PHIP: variants seen among roughly 807,000 people sequenced by gnomAD.
The protein encoded by PHIP is PHIP subunit of CUL4-Ring ligase complex.
In PHIP, 54 loss-of-function variants were observed where a neutral mutation model predicts 236.8. The ratio of observed to expected loss-of-function variants is 0.23; its 90% confidence interval spans 0.18 to 0.29. PHIP has a LOEUF of 0.29. PHIP is among the 10% of genes least tolerant of loss of function. The pLI is 1.00. For missense variants in PHIP, 1,370 were observed against 2,190.8 expected, an observed-to-expected ratio of 0.63 and a Z score of 7.48; for synonymous variants, 756 against 718.9, an observed-to-expected ratio of 1.05 and a Z score of -0.83.
At chr6:79,018,613 G>A (rs1003878380) in intron 10 of PHIP, among the ~76,000 whole-genome samples, 4 of 151,742 alleles carry the variant, frequency 2.6e-5, no homozygotes, top group Non-Finnish European at 5.9e-5. Context: ...AATCTGAATT[G>A]GAATCTTAGC....
intron 35 of PHIP, among the ~76,000 whole-genome samples, chr6:78,951,665 G>A (rs1015794912): frequency 6.6e-6 from 1 of 152,148 alleles, no homozygotes; most frequent in Non-Finnish European, 1.5e-5. Flanking sequence ...CGTTTAGCTG[G>A]TGGGACAGGT....
chr6:79,005,349 A>G (rs1224541503), intron 15 of PHIP, among the ~76,000 whole-genome samples: 3 of 152,010 alleles, frequency 2.0e-5, no homozygotes, highest in African/African-American at 7.2e-5. Context: ...GGGCACCAGG[A>G]GCCATACAGC....
chr6:79,036,490 G>C (rs548274883), intron 7 of PHIP, among the ~76,000 whole-genome samples: 45 of 151,868 alleles, frequency 3.0e-4, no homozygotes, highest in Non-Finnish European at 5.0e-4. Context: ...AAATAATTTT[G>C]AATTTCAAAC....
At chr6:78,971,627 T>A (rs1420801166) in intron 24 of PHIP, among the ~76,000 whole-genome samples, 32 of 152,028 alleles carry the variant, frequency 2.1e-4, no homozygotes, top group African/African-American at 7.2e-4. Flanking sequence ...CGGGTTCATC[T>A]CACTAGGGAG....
chr6:79,048,881 G>T (rs187398693), intron 6 of PHIP, among the ~76,000 whole-genome samples: 1 of 152,166 alleles, frequency 6.6e-6, no homozygotes, highest in Non-Finnish European at 1.5e-5. Flanking sequence ...AAAACCTGGA[G>T]AACCAATTTT....
At chr6:79,070,038 C>A (rs889170736) in intron 4 of PHIP, among the ~76,000 whole-genome samples, 3 of 151,916 alleles carry the variant, frequency 2.0e-5, no homozygotes, top group Non-Finnish European at 4.4e-5. Flanking sequence ...TCATCATAAA[C>A]CAATTACATC....
At chr6:79,077,651 A>T in intron 3 of PHIP, 49 bp downstream of exon 3, 1 of 925,892 alleles carries the variant, frequency 1.1e-6, no homozygotes, top group Non-Finnish European at 1.3e-6. Context: ...GCAGCGGCCC[A>T]GAGGCGGCCG....
At position 79,060,510 on chromosome 6, in the gene PHIP, G is replaced by A. The variant is rs1228596972; in HGVS notation, c.407C>T (p.Ser136Leu). The A allele has an allele frequency of 1.2e-6, 2 of 1,613,460 alleles. No individual in the cohort carries two copies. Reference protein sequence around the residue: ...AALHCGRPPESPVNYGSPPSI... With the variant: ...AALHCGRPPELPVNYGSPPSI... ...GGGTGGGCTACCATAGTTAACTGGT[G>A]ACTCAGGTGGTCTTCCACAGTGCAA... Residue 136 changes from serine (S) to leucine (L), a missense_variant, in exon 6 of 40, where the codon TCA becomes TTA. Coordinates refer to ENST00000275034, the MANE Select transcript of PHIP (RefSeq NM_017934.7).
intron 15 of PHIP, among the ~76,000 whole-genome samples, chr6:79,013,732 T>A (rs910329995): frequency 2.0e-5 from 3 of 151,626 alleles, no homozygotes; most frequent in Non-Finnish European, 4.4e-5. Flanking sequence ...TATTCAATTA[T>A]GGGAGAAAAG....
intron 17 of PHIP, among the ~76,000 whole-genome samples, chr6:78,998,910 T>G (rs1175430360): frequency 2.0e-5 from 3 of 152,100 alleles, no homozygotes; most frequent in Non-Finnish European, 4.4e-5. Flanking sequence ...ATAAGGGACA[T>G]GAAGATCCCT....
chr6:79,012,282 T>C (rs1770623307), intron 15 of PHIP, among the ~76,000 whole-genome samples: 1 of 151,786 alleles, frequency 6.6e-6, no homozygotes, highest in African/African-American at 2.4e-5. Context: ...AACCAGTATT[T>C]AAGAAATTTG....
At chr6:79,077,772 C>A (rs1005220220) in intron 2 of PHIP, 43 bp from the exon 3 acceptor site, 4 of 978,968 alleles carry the variant, frequency 4.1e-6, no homozygotes, top group Non-Finnish European at 4.8e-6. Flanking sequence ...GCGCCCCGGG[C>A]CGCGGCCCCG....
At chr6:78,970,320 T>C (rs1767446789) in intron 25 of PHIP, 147 bp from the exon 26 acceptor site, 4 of 636,668 alleles carry the variant, frequency 6.3e-6, no homozygotes, top group Non-Finnish European at 1.1e-5. Flanking sequence ...CTGAGCTCTG[T>C]ATTAAGATTT....
intron 6 of PHIP, among the ~76,000 whole-genome samples, chr6:79,054,176 CA>C (rs764311939): frequency 1.3e-3 from 186 of 143,792 alleles, no homozygotes; most frequent in Non-Finnish European, 2.4e-3. Flanking sequence ...TTTTAAGAGG[CA>C]AAAAAAAGGG....
intron 39 of PHIP, among the ~76,000 whole-genome samples, chr6:78,944,314 T>C (rs1773683465): frequency 6.6e-6 from 1 of 152,160 alleles, no homozygotes; most frequent in African/African-American, 2.4e-5. Flanking sequence ...AAGGAAGTGT[T>C]TTCTCTGTGT....
chr6:78,981,499 G>GC (rs1451524866), intron 23 of PHIP, among the ~76,000 whole-genome samples: 2 of 151,930 alleles, frequency 1.3e-5, no homozygotes, highest in Admixed American at 1.3e-4. Context: ...ATACTTTGTT[G>GC]CAACAACACA....
At chr6:79,075,634 GAA>G (rs139203192) in intron 4 of PHIP, among the ~76,000 whole-genome samples, 2 of 102,912 alleles carry the variant, frequency 1.9e-5, no homozygotes, top group African/African-American at 7.4e-5. Flanking sequence ...CATTTTTACT[GAA>G]AAAAAAAACA....
At chr6:78,989,194 C>A (rs1769060300) in intron 20 of PHIP, among the ~76,000 whole-genome samples, 1 of 152,154 alleles carries the variant, frequency 6.6e-6, no homozygotes, top group Non-Finnish European at 1.5e-5. Flanking sequence ...GTGGGAGAAT[C>A]CTGCTTTGGG....
chr6:79,066,894 T>C (rs1395813244), intron 4 of PHIP, among the ~76,000 whole-genome samples: 2 of 152,020 alleles, frequency 1.3e-5, no homozygotes, highest in Non-Finnish European at 2.9e-5. Flanking sequence ...GGTTTTGTTT[T>C]TGTTTGTTTT....
Sources: allele counts gnomAD v4.1 joint callset (sites outside exome capture counted in the v4.1 genomes callset), GRCh38; gene constraint gnomAD v4.1.1; transcripts MANE v1.5; gene names NCBI Gene and HGNC (gene_info 2026-07-23, HGNC 2026-07-21).